The following PDE3A variants were observed in gnomAD, a reference collection of about 807,000 sequenced individuals.
PDE3A encodes cGMP-inhibited 3',5'-cyclic phosphodiesterase 3A.
In PDE3A, 43 loss-of-function variants were observed where a neutral mutation model predicts 98.3. That is an observed-to-expected ratio of 0.44 (90% CI 0.34 to 0.56). The LOEUF (loss-of-function observed/expected upper bound fraction) is 0.56, where lower values mean the gene tolerates loss of function less well. Ranked by LOEUF, PDE3A falls within the 20% of genes least tolerant of loss-of-function variation. The pLI, the probability that PDE3A is intolerant of heterozygous loss-of-function variation, is 0.01. For synonymous variants in PDE3A, 663 were observed against 567.9 expected, an observed-to-expected ratio of 1.17 and a Z score of -2.38; for missense variants, 1,427 against 1,440.7, an observed-to-expected ratio of 0.99 and a Z score of 0.15.
Position 20,369,496 on chromosome 12 carries a change from C to G in PDE3A, c.212C>G (p.Ser71Cys), listed in dbSNP as rs752085196. ...TCCGCGCTGTGCGCGGGCTCCCTGT[C>G]CTTTCTGCTGGCGCTGCTGGTGAGG... Reference protein sequence around the residue: ...LSSALCAGSLSFLLALLVRLV... With the variant: ...LSSALCAGSLCFLLALLVRLV... The change falls in exon 1 of 16, where the codon TCC becomes TGC. Residue 71 changes from serine (S) to cysteine (C), a missense_variant. Around this residue, in one of 3 missense-constraint regions of PDE3A, gnomAD observed 1,012 missense variants for 886.5 expected, o/e 1.14. Transcript: ENST00000359062. 12 of 1,559,046 alleles carry G rather than the reference C, an allele frequency of 7.7e-6. No homozygotes were observed. In the African/African-American group the frequency reaches 1.5e-4, roughly 19 times the overall value.
chr12:20,630,180 C>A (rs530921827), intron 6 of PDE3A, 53 bp downstream of exon 6: 6 of 1,302,696 alleles, frequency 4.6e-6, no homozygotes, highest in Non-Finnish European at 6.7e-6. Context: ...GATAGTTTTC[C>A]CCTAGAAATA....
At chr12:20,669,842 C>T (rs1480014906) in intron 15 of PDE3A, among the ~76,000 whole-genome samples, 1 of 151,730 alleles carries the variant, frequency 6.6e-6, no homozygotes, top group Non-Finnish European at 1.5e-5. Context: ...CAAATTCACA[C>T]ATAACAATAT....
At chr12:20,638,038 A>G (rs10770681) in intron 9 of PDE3A, among the ~76,000 whole-genome samples, 75,074 of 151,928 alleles carry the variant, frequency 0.49, 19,032 homozygotes, top group East Asian at 0.84. Context: ...GAGATAGTAA[A>G]GACCATCAAA....
At chr12:20,456,491 C>G (rs1159697247) in intron 1 of PDE3A, among the ~76,000 whole-genome samples, 1 of 152,106 alleles carries the variant, frequency 6.6e-6, no homozygotes, top group Non-Finnish European at 1.5e-5. Context: ...TGTATTGCAG[C>G]ATGAACCAAA....
In PDE3A at chr12:20,552,092, G is replaced by T; in HGVS notation, c.961-4568G>T. On this transcript the variant is annotated intron_variant, in intron 1 of 15. Coordinates refer to ENST00000359062, the MANE Select transcript of PDE3A (RefSeq NM_000921.5). This position sits in a 1 kb window ranked among gnomAD's most constrained non-coding sequence, Gnocchi z 5.1. ...GGTAGTGGTGGTCGAGAGCTTTCCG[G>T]CAACAAGAGGACCGCGGAACAGTCT... The T allele has an allele frequency of 6.2e-7, 1 of 1,612,836 alleles. No homozygotes were observed. The highest frequency in any genetic ancestry group is 8.5e-7 in the Non-Finnish European group (1 of 1,179,904).
chr12:20,386,020 T>TATATATATAAATATATATAAAAA (rs1943759623), intron 1 of PDE3A, among the ~76,000 whole-genome samples: 2 of 61,812 alleles, frequency 3.2e-5, no homozygotes, highest in South Asian at 4.0e-4. Flanking sequence ...ATATATAAAA[T>TATATATATAAATATATATAAAAA]ATATATATAA....
At chr12:20,403,894 G>A (rs945123926) in intron 1 of PDE3A, among the ~76,000 whole-genome samples, 13 of 151,790 alleles carry the variant, frequency 8.6e-5, no homozygotes, top group Non-Finnish European at 8.8e-5. Context: ...CTTGAGAGAC[G>A]TTAGATTAGA....
At chr12:20,639,212 T>C (rs1944590531) in intron 9 of PDE3A, among the ~76,000 whole-genome samples, 1 of 152,030 alleles carries the variant, frequency 6.6e-6, no homozygotes, top group African/African-American at 2.4e-5. Flanking sequence ...TGACCAAAAT[T>C]GCTACAAAAT....
At chr12:20,673,188 A>T (rs964909434) in intron 15 of PDE3A, among the ~76,000 whole-genome samples, 12 of 152,226 alleles carry the variant, frequency 7.9e-5, no homozygotes, top group Admixed American at 2.0e-4. Context: ...ATCATTAAAA[A>T]GTCAGGAAAC....
intron 2 of PDE3A, among the ~76,000 whole-genome samples, chr12:20,579,691 G>T (rs532206771): frequency 6.6e-6 from 1 of 152,202 alleles, no homozygotes; most frequent in African/African-American, 2.4e-5. Flanking sequence ...ATGTAGTTGG[G>T]ATACTTCACA....
Position 20,688,143 on chromosome 12 carries a change from A to G in PDE3A, c.*7872A>G, listed in dbSNP as rs1408508461. ...ATTCTTACCACTCTCGACAGACCTG[A>G]ATATGTTTACTAATAACTTTGCCAA... On this transcript the variant is annotated 3_prime_UTR_variant, in exon 16 of 16. Transcript: ENST00000359062. Among the ~76,000 whole-genome samples the G allele has an allele frequency of 1.3e-5, 2 of 151,952 alleles. No homozygotes were observed. Among genetic ancestry groups the G allele is most frequent in the African/African-American group, 4.8e-5 (2 of 41,420 alleles).
chr12:20,673,788 T>C (rs1358656214), intron 15 of PDE3A, among the ~76,000 whole-genome samples: 1 of 150,656 alleles, frequency 6.6e-6, no homozygotes, highest in Non-Finnish European at 1.5e-5. Flanking sequence ...GCATGGCACA[T>C]GTATACATAT....
intron 1 of PDE3A, among the ~76,000 whole-genome samples, chr12:20,460,395 G>A (rs59487828): frequency 0.011 from 1,718 of 152,186 alleles, 20 homozygotes; most frequent in African/African-American, 0.035. Flanking sequence ...GGCTGAAAGC[G>A]TACAATGTAA....
At chr12:20,605,988 T>C (rs1158940619) in intron 2 of PDE3A, among the ~76,000 whole-genome samples, 1 of 152,208 alleles carries the variant, frequency 6.6e-6, no homozygotes, top group Non-Finnish European at 1.5e-5. Context: ...ATTTAAAATA[T>C]GTAGAAAGCA....
At chr12:20,650,199 A>C (rs1045168108) in intron 13 of PDE3A, among the ~76,000 whole-genome samples, 1 of 151,962 alleles carries the variant, frequency 6.6e-6, no homozygotes, top group African/African-American at 2.4e-5. Context: ...ATTATTTTTG[A>C]CACACTCACC....
intron 2 of PDE3A, among the ~76,000 whole-genome samples, chr12:20,558,690 G>A (rs1462965586): frequency 2.8e-5 from 3 of 108,688 alleles, no homozygotes; most frequent in South Asian, 3.1e-4. Context: ...CCCTGCTGAC[G>A]AAATAATAAT....
In PDE3A at chr12:20,503,639, C is replaced by T. The variant is rs185247075; in HGVS notation, c.961-53021C>T. The stretch of plus-strand genomic sequence containing the variant: ...TCTATTTTTTGAGACTAGAGTCAGA[C>T]GTAATAATATTATTTTAAAAAAGTT... On this transcript the variant is annotated intron_variant, in intron 1 of 15. Coordinates refer to ENST00000359062, the MANE Select transcript of PDE3A (RefSeq NM_000921.5). Among the ~76,000 whole-genome samples the T allele has an allele frequency of 3.1e-3, 464 of 151,834 alleles. 6 individuals carry two copies. The highest frequency in any genetic ancestry group is 0.01 in the African/African-American group (434 of 41,452).
intron 7 of PDE3A, among the ~76,000 whole-genome samples, chr12:20,634,109 A>C (rs2121512617): frequency 6.6e-6 from 1 of 152,278 alleles, no homozygotes; most frequent in Non-Finnish European, 1.5e-5. Context: ...AGCTTTCCAA[A>C]ATTTTTTAAT....
At chr12:20,551,709 C>T (rs1035094169) in intron 1 of PDE3A, 1 of 1,613,286 alleles carries the variant, frequency 6.2e-7, no homozygotes, top group African/African-American at 1.3e-5. Context: ...AGTGGTACTG[C>T]CCTGAGTGCC....
Sources: gnomAD v4.1 joint callset for allele counts (sites outside exome capture counted in the v4.1 genomes callset) on GRCh38, gnomAD v4.1.1 for gene constraint, gnomAD v4.1.1 regional missense constraint, Gnocchi (gnomAD v3.1) non-coding constraint, MANE v1.5 for transcripts, NCBI Gene and HGNC (gene_info 2026-07-23, HGNC 2026-07-21) for gene names.